Variants in FIP1L1 observed in about 807,000 individuals in gnomAD.
The protein encoded by FIP1L1 is pre-mRNA 3'-end-processing factor FIP1.
Under a neutral mutation model 84.6 loss-of-function variants are expected in FIP1L1, and 21 were observed. The ratio of observed to expected loss-of-function variants is 0.25; its 90% CI spans 0.18 to 0.36. FIP1L1 has a LOEUF of 0.36. FIP1L1 is among the 10% of genes least tolerant of loss of function. The probability of loss-of-function intolerance (pLI) is 1.00; values close to 1 mark genes in which losing one functional copy is unlikely to be tolerated. For missense variants in FIP1L1, 526 were observed against 751.1 expected (o/e 0.70, Z 3.50); for synonymous variants, 263 against 242.3 (o/e 1.09, Z -0.80).
At chr4:53,417,480 A>G (rs1026673537) in intron 11 of FIP1L1, among the ~76,000 whole-genome samples, 64 of 151,940 alleles carry the variant, frequency 4.2e-4, no homozygotes, top group African/African-American at 1.5e-3. Flanking sequence ...CGTCTCTACT[A>G]AAAATACAAA....
At chr4:53,408,712 C>G (rs1755259919) in intron 10 of FIP1L1, among the ~76,000 whole-genome samples, 1 of 152,092 alleles carries the variant, frequency 6.6e-6, no homozygotes, top group Non-Finnish European at 1.5e-5. Flanking sequence ...TCTTTTTTCT[C>G]TAAACTTCCC....
intron 11 of FIP1L1, among the ~76,000 whole-genome samples, chr4:53,424,435 G>A (rs1205191444): frequency 6.6e-6 from 1 of 152,086 alleles, no homozygotes; most frequent in Non-Finnish European, 1.5e-5. Flanking sequence ...TGGAGGATAT[G>A]TTAATCCTCC....
At chr4:53,434,579 C>T (rs1025158016) in intron 13 of FIP1L1, among the ~76,000 whole-genome samples, 1 of 151,450 alleles carries the variant, frequency 6.6e-6, no homozygotes, top group African/African-American at 2.4e-5. Flanking sequence ...TCAAGCGATT[C>T]TCCTGCCTCA....
At chr4:53,383,690 G>T in intron 4 of FIP1L1, 83 bp from the exon 5 acceptor site, 5 of 1,329,566 alleles carry the variant, frequency 3.8e-6, no homozygotes, top group Non-Finnish European at 5.1e-6. Context: ...AAAAAAACAG[G>T]GTGGTTACTT....
intron 5 of FIP1L1, among the ~76,000 whole-genome samples, chr4:53,386,558 A>G (rs1296956728): frequency 3.3e-5 from 5 of 152,192 alleles, no homozygotes; most frequent in African/African-American, 7.2e-5. Flanking sequence ...CTAAAAGCCT[A>G]CAGGTGTTGA....
chr4:53,408,188 T>C (rs923715529), intron 10 of FIP1L1, among the ~76,000 whole-genome samples: 2 of 152,200 alleles, frequency 1.3e-5, no homozygotes, highest in African/African-American at 4.8e-5. Context: ...AGGGCAGGCC[T>C]GGTGGTGACA....
intron 15 of FIP1L1, among the ~76,000 whole-genome samples, chr4:53,450,395 T>G (rs1775894534): frequency 1.3e-5 from 2 of 152,256 alleles, no homozygotes; most frequent in Non-Finnish European, 2.9e-5. Flanking sequence ...AGAACAAATC[T>G]GTTACTCTCA....
chr4:53,440,487 G>A, intron 13 of FIP1L1: 2 of 712,466 alleles, frequency 2.8e-6, no homozygotes, highest in Non-Finnish European at 4.8e-6. Context: ...ATGAGGCGAG[G>A]GGTTTTATTT....
Position 53,420,060 on chromosome 4 carries a change from C to T in FIP1L1, c.923+5338C>T, listed in dbSNP as rs187750843. 6.9e-3 allele frequency among the ~76,000 whole-genome samples: 1,041 copies of T among 151,738 alleles called. 3 individuals are homozygous for T. Among genetic ancestry groups the T allele is most frequent in the Non-Finnish European group, 0.012 (791 of 67,882 alleles). On this transcript the variant is annotated intron_variant, in intron 11 of 17. Coordinates refer to ENST00000337488, the MANE Select transcript of FIP1L1 (RefSeq NM_030917.4). ...AAATACAATAAAAATTAGCCGGGCG[C>T]GGTGGCGAGCGCCTGTAGTCCCAGC...
intron 13 of FIP1L1, among the ~76,000 whole-genome samples, chr4:53,432,048 GA>G (rs1057466490): frequency 2.9e-4 from 44 of 152,212 alleles, no homozygotes; most frequent in African/African-American, 9.9e-4. Context: ...GAGATGTCTG[GA>G]AGTGCAAAAG....
In FIP1L1 at chr4:53,459,575, CT is replaced by C. The variant is rs750952262; in HGVS notation, c.*133del. On this transcript the variant is annotated 3_prime_UTR_variant, in exon 18 of 18. Coordinates refer to ENST00000337488, the MANE Select transcript of FIP1L1 (RefSeq NM_030917.4). ...TCTGTTTGTTAGTATGAAAAGTTAA[CT>C]TTTTTTCCAAAATAAAAGAGTGAAT... is the stretch of plus-strand genomic sequence containing the variant. The C allele has an allele frequency of 6.6e-6, 9 of 1,368,366 alleles. No individual in the cohort carries two copies. In the South Asian group the frequency reaches 9.0e-5, roughly 14 times the overall value. The allele number at this position is 1,368,366 out of a possible 1,614,324, so 84.8% of individuals were successfully genotyped here.
intron 11 of FIP1L1, among the ~76,000 whole-genome samples, chr4:53,424,838 T>C (rs1763702911): frequency 6.6e-6 from 1 of 152,162 alleles, no homozygotes; most frequent in South Asian, 2.1e-4. Context: ...TTAGTTTTGC[T>C]ATTTAATTCA....
At chr4:53,417,797 T>A (rs1228411001) in intron 11 of FIP1L1, among the ~76,000 whole-genome samples, 13,417 of 123,624 alleles carry the variant, frequency 0.11, 1,585 homozygotes, top group South Asian at 0.29. Flanking sequence ...TCTCTCTCTC[T>A]CTCTCTCTCT....
intron 15 of FIP1L1, among the ~76,000 whole-genome samples, chr4:53,446,259 C>T (rs531872335): frequency 9.9e-5 from 15 of 152,002 alleles, no homozygotes; most frequent in Non-Finnish European, 2.1e-4. Flanking sequence ...TTGATTCCCC[C>T]TCTTACCATT....
intron 13 of FIP1L1, among the ~76,000 whole-genome samples, chr4:53,440,069 T>C (rs1004882783): frequency 1.3e-5 from 2 of 152,020 alleles, no homozygotes; most frequent in African/African-American, 4.8e-5. Flanking sequence ...AAGGAAATGT[T>C]AGCCTTTTCT....
chr4:53,429,693 C>A (rs1765740670), intron 13 of FIP1L1, among the ~76,000 whole-genome samples: 1 of 151,896 alleles, frequency 6.6e-6, no homozygotes, highest in South Asian at 2.1e-4. Flanking sequence ...TTATTTTTGA[C>A]AGTAATACTT....
At chr4:53,432,520 A>T (rs1767238425) in intron 13 of FIP1L1, among the ~76,000 whole-genome samples, 1 of 151,564 alleles carries the variant, frequency 6.6e-6, no homozygotes, top group Non-Finnish European at 1.5e-5. Flanking sequence ...TTTCCATTGT[A>T]TTAAGTTTTT....
At chr4:53,404,532 TG>T (rs1175238112) in intron 10 of FIP1L1, among the ~76,000 whole-genome samples, 5 of 151,968 alleles carry the variant, frequency 3.3e-5, no homozygotes, top group African/African-American at 1.2e-4. Flanking sequence ...TACCCAGTAA[TG>T]GGATGGCTGG....
intron 10 of FIP1L1, among the ~76,000 whole-genome samples, chr4:53,407,109 C>G (rs1754013528): frequency 6.6e-6 from 1 of 152,036 alleles, no homozygotes; most frequent in Admixed American, 6.6e-5. Context: ...GTTAGGGTGT[C>G]AATTTTAGAT....
Sources: gnomAD v4.1 joint callset for allele counts (sites outside exome capture counted in the v4.1 genomes callset) on GRCh38, gnomAD v4.1.1 for gene constraint, MANE v1.5 for transcripts, NCBI Gene and HGNC (gene_info 2026-07-23, HGNC 2026-07-21) for gene names.